Variants in STX8 observed in about 807,000 individuals in gnomAD.
STX8 encodes the protein syntaxin 8.
Under a neutral mutation model 37.5 loss-of-function variants are expected in STX8, and 23 were observed. That is an observed-to-expected ratio of 0.61 (90% confidence interval 0.44 to 0.87). The LOEUF is 0.87. STX8 is among the 40% of genes least tolerant of loss of function. STX8 has a pLI of 0.00. For synonymous variants in STX8, 115 were observed against 99.1 expected, an observed-to-expected ratio of 1.16 and a Z score of -0.95; for missense variants, 313 against 284.7, an observed-to-expected ratio of 1.10 and a Z score of -0.71.
intron 6 of STX8, among the ~76,000 whole-genome samples, chr17:9,400,988 A>G (rs890133126): frequency 4.6e-5 from 7 of 152,118 alleles, no homozygotes; most frequent in African/African-American, 9.7e-5. Context: ...GACCCGAACT[A>G]GTAGAACTCT....
At chr17:9,559,865 G>A (rs1474088478) in intron 2 of STX8, among the ~76,000 whole-genome samples, 6 of 140,306 alleles carry the variant, frequency 4.3e-5, no homozygotes, top group Admixed American at 7.4e-5. Context: ...CGTTTTAAGC[G>A]AGTCTCCTGC....
At chr17:9,447,778 T>G (rs2142397059) in intron 6 of STX8, among the ~76,000 whole-genome samples, 1 of 152,330 alleles carries the variant, frequency 6.6e-6, no homozygotes, top group African/African-American at 2.4e-5. Flanking sequence ...GGCAAATTAA[T>G]GTTCTCATCA....
intron 4 of STX8, among the ~76,000 whole-genome samples, chr17:9,543,475 G>A (rs1348246884): frequency 1.3e-5 from 2 of 151,980 alleles, no homozygotes; most frequent in East Asian, 3.9e-4. Context: ...TGTTGTTGTT[G>A]TTGTATTTTA....
intron 7 of STX8, among the ~76,000 whole-genome samples, chr17:9,275,525 T>C (rs1002812773): frequency 1.3e-5 from 2 of 152,152 alleles, no homozygotes; most frequent in African/African-American, 4.8e-5. Context: ...GAACTTCCCA[T>C]CTGTGTGATC....
At chr17:9,365,495 A>C (rs1293653080) in intron 7 of STX8, among the ~76,000 whole-genome samples, 1 of 152,272 alleles carries the variant, frequency 6.6e-6, no homozygotes, top group Non-Finnish European at 1.5e-5. Context: ...TGTTGCAGGC[A>C]ATCAAGAGAA....
intron 4 of STX8, among the ~76,000 whole-genome samples, chr17:9,525,017 C>A (rs1323586062): frequency 1.3e-5 from 2 of 152,136 alleles, no homozygotes; most frequent in Non-Finnish European, 2.9e-5. Context: ...CCATGTTGCC[C>A]AAGCTGGTTT....
At chr17:9,574,982 A>G (rs1276256112) in intron 1 of STX8, among the ~76,000 whole-genome samples, 1 of 152,272 alleles carries the variant, frequency 6.6e-6, no homozygotes, top group African/African-American at 2.4e-5. Context: ...TATATTAGAA[A>G]TAACAACATA....
At chr17:9,307,510 G>T (rs929793660) in intron 7 of STX8, among the ~76,000 whole-genome samples, 1 of 152,116 alleles carries the variant, frequency 6.6e-6, no homozygotes, top group African/African-American at 2.4e-5. Context: ...ATCAGCAGTG[G>T]TTCTGGCAAT....
chr17:9,452,813 C>T (rs11078802), intron 6 of STX8, among the ~76,000 whole-genome samples: 37,944 of 104,730 alleles, frequency 0.36, 5,039 homozygotes, highest in African/African-American at 0.46. Flanking sequence ...GTTTTTTTTT[C>T]TTTTTAGACA....
chr17:9,375,609 C>G (rs1292392913), intron 7 of STX8, among the ~76,000 whole-genome samples: 1 of 152,168 alleles, frequency 6.6e-6, no homozygotes, highest in Non-Finnish European at 1.5e-5. Flanking sequence ...AATACCAGTA[C>G]TTGCTCACCG....
intron 7 of STX8, among the ~76,000 whole-genome samples, chr17:9,340,049 T>C (rs925337939): frequency 6.6e-6 from 1 of 152,232 alleles, no homozygotes; most frequent in Non-Finnish European, 1.5e-5. Flanking sequence ...TAGCACAGCA[T>C]TGCTGAAGGG....
intron 6 of STX8, among the ~76,000 whole-genome samples, chr17:9,460,673 C>CAAAAAA (rs751553222): frequency 2.1e-5 from 2 of 96,680 alleles, no homozygotes; most frequent in African/African-American, 8.4e-5. Context: ...GACTCTGTCT[C>CAAAAAA]AAAAAAAAAA....
intron 6 of STX8, among the ~76,000 whole-genome samples, chr17:9,451,355 C>T (rs1457853997): frequency 6.6e-6 from 1 of 152,166 alleles, no homozygotes; most frequent in South Asian, 2.1e-4. Context: ...CGGCGACAGA[C>T]ATCTCAGTTC....
At chr17:9,381,154 A>G (rs1330005431) in intron 6 of STX8, among the ~76,000 whole-genome samples, 1 of 152,206 alleles carries the variant, frequency 6.6e-6, no homozygotes, top group Non-Finnish European at 1.5e-5. Flanking sequence ...AGTACACTCC[A>G]TGATGTTCGC....
intron 5 of STX8, among the ~76,000 whole-genome samples, chr17:9,497,062 A>C (rs1904431995): frequency 6.6e-6 from 1 of 152,244 alleles, no homozygotes; most frequent in Non-Finnish European, 1.5e-5. Flanking sequence ...TGAAACCATT[A>C]GGTGTTTGGA....
intron 7 of STX8, among the ~76,000 whole-genome samples, chr17:9,338,047 G>GTTTTTTT (rs1308584043): frequency 4.8e-5 from 6 of 125,934 alleles, no homozygotes; most frequent in African/African-American, 9.9e-5. Context: ...ACCTCTGAAG[G>GTTTTTTT]ATTTTTTTTT....
intron 7 of STX8, among the ~76,000 whole-genome samples, chr17:9,376,086 AAG>A (rs1024435583): frequency 1.9e-4 from 29 of 152,318 alleles, no homozygotes; most frequent in African/African-American, 6.7e-4. Context: ...GGCCCAGATT[AAG>A]AGAGAGGTGG....
intron 3 of STX8, chr17:9,553,660 A>T (rs1906851464): frequency 6.6e-6 from 1 of 152,240 alleles, no homozygotes; most frequent in South Asian, 2.1e-4. Flanking sequence ...AACATCATAA[A>T]GTATACCTAA....
chr17:9,448,505 C>T (rs1479468146), intron 6 of STX8, among the ~76,000 whole-genome samples: 2 of 123,392 alleles, frequency 1.6e-5, no homozygotes, highest in African/African-American at 5.9e-5. Flanking sequence ...GCTAAAGTGC[C>T]GTTTGGCGTT....
Sources: allele counts gnomAD v4.1 joint callset (sites outside exome capture counted in the v4.1 genomes callset), GRCh38; gene constraint gnomAD v4.1.1; transcripts MANE v1.5; gene names NCBI Gene and HGNC (gene_info 2026-07-23, HGNC 2026-07-21).